SLC39A9: variants seen among roughly 807,000 people sequenced by gnomAD.
The protein encoded by SLC39A9 is solute carrier family 39 member 9, also known as zinc transporter ZIP9.
In SLC39A9, 14 loss-of-function variants were observed where a neutral mutation model predicts 28.4. That is an observed-to-expected ratio of 0.49 (90% CI 0.33 to 0.77). SLC39A9 has a LOEUF of 0.77. Ranked by LOEUF, SLC39A9 falls within the 30% of genes least tolerant of loss-of-function variation. The pLI, the probability that SLC39A9 is intolerant of heterozygous loss-of-function variation, is 0.02. For synonymous variants in SLC39A9, 119 were observed against 149.6 expected (o/e 0.80, Z 1.49); for missense variants, 283 against 381.1 (o/e 0.74, Z 2.14).
intron 3 of SLC39A9, among the ~76,000 whole-genome samples, chr14:69,447,331 C>T (rs1388768238): frequency 6.6e-6 from 1 of 152,120 alleles, no homozygotes; most frequent in Non-Finnish European, 1.5e-5. Flanking sequence ...CAAGCAAATT[C>T]TGGAAGGGAG....
At chr14:69,414,053 T>C (rs529515057) in intron 1 of SLC39A9, among the ~76,000 whole-genome samples, 1 of 148,132 alleles carries the variant, frequency 6.8e-6, no homozygotes, top group Admixed American at 6.7e-5. Flanking sequence ...TCATATTCTT[T>C]TTTTTTTTTT....
Position 69,445,287 on chromosome 14 carries a change from G to T in SLC39A9, c.403+3021G>T, listed in dbSNP as rs182470792. Among the ~76,000 whole-genome samples the T allele has an allele frequency of 2.3e-3, 344 of 152,006 alleles. 2 individuals carry two copies. The highest frequency in any genetic ancestry group is 8.0e-3 in the African/African-American group (332 of 41,442). ...ACCTCTGCCACCCCTGAGACAGCAA[G>T]ACCAACCCCTCCTCTTCCTCCTCAT... is the stretch of plus-strand genomic sequence containing the variant. On this transcript the variant is annotated intron_variant, in intron 3 of 6. Coordinates refer to ENST00000336643, the MANE Select transcript of SLC39A9 (RefSeq NM_018375.5).
intron 3 of SLC39A9, among the ~76,000 whole-genome samples, chr14:69,446,446 CAGAA>C (rs1312126316): frequency 6.6e-6 from 1 of 151,330 alleles, no homozygotes; most frequent in Non-Finnish European, 1.5e-5. Context: ...CTGAAAAAAA[CAGAA>C]GGAAGGAAGA....
chr14:69,430,417 T>C (rs1029873874), intron 2 of SLC39A9, among the ~76,000 whole-genome samples: 2 of 152,014 alleles, frequency 1.3e-5, no homozygotes, highest in African/African-American at 2.4e-5. Context: ...TAACACTATT[T>C]TTTGAAAAAA....
chr14:69,414,698 A>G (rs1323967831), intron 1 of SLC39A9, among the ~76,000 whole-genome samples: 1 of 152,204 alleles, frequency 6.6e-6, no homozygotes, highest in Non-Finnish European at 1.5e-5. Flanking sequence ...AATTTTAGCA[A>G]ATGTTTACAA....
At chr14:69,454,378 T>G (rs1245073953) in intron 4 of SLC39A9, among the ~76,000 whole-genome samples, 6 of 152,240 alleles carry the variant, frequency 3.9e-5, no homozygotes, top group Non-Finnish European at 4.4e-5. Flanking sequence ...TAAGCAATCC[T>G]CCTGCCTCAG....
At chr14:69,422,656 C>T (rs890480823) in intron 1 of SLC39A9, among the ~76,000 whole-genome samples, 5 of 152,132 alleles carry the variant, frequency 3.3e-5, no homozygotes, top group African/African-American at 1.2e-4. Context: ...GCAATCTCTG[C>T]TTACTGCAAC....
At chr14:69,410,470 C>T (rs1332943683) in intron 1 of SLC39A9, among the ~76,000 whole-genome samples, 1 of 152,108 alleles carries the variant, frequency 6.6e-6, no homozygotes, top group African/African-American at 2.4e-5. Flanking sequence ...TAGCAGTAGC[C>T]CCTTCTTACA....
intron 2 of SLC39A9, among the ~76,000 whole-genome samples, chr14:69,435,888 G>A (rs561933180): frequency 6.6e-6 from 1 of 152,136 alleles, no homozygotes; most frequent in Non-Finnish European, 1.5e-5. Flanking sequence ...GCCCAGGCTG[G>A]TCTGGAACTC....
chr14:69,435,710 T>C (rs1393041847), intron 2 of SLC39A9, among the ~76,000 whole-genome samples: 2 of 152,150 alleles, frequency 1.3e-5, no homozygotes, highest in Non-Finnish European at 2.9e-5. Context: ...TCTTGCTCTT[T>C]TGCCCAGGCT....
chr14:69,431,753 A>G (rs1360291224), intron 2 of SLC39A9, among the ~76,000 whole-genome samples: 1 of 151,912 alleles, frequency 6.6e-6, no homozygotes, highest in Non-Finnish European at 1.5e-5. Context: ...TATTATTGCC[A>G]TCTTTATGTC....
At chr14:69,420,812 G>A (rs376974987) in intron 1 of SLC39A9, among the ~76,000 whole-genome samples, 1 of 152,148 alleles carries the variant, frequency 6.6e-6, no homozygotes, top group East Asian at 1.9e-4. Flanking sequence ...CATGTGTCAC[G>A]TAGTTCTCAT....
intron 2 of SLC39A9, chr14:69,428,866 G>C (rs1425415260): frequency 6.6e-6 from 1 of 152,210 alleles, no homozygotes. Flanking sequence ...CATAACATCT[G>C]CGTATTATGA....
At chr14:69,408,338 A>G (rs1016188407) in intron 1 of SLC39A9, among the ~76,000 whole-genome samples, 7 of 152,154 alleles carry the variant, frequency 4.6e-5, no homozygotes, top group Admixed American at 2.6e-4. Context: ...TCTTTATGTT[A>G]AACTTTCTCT....
At chr14:69,428,606 A>G (rs529134155) in intron 2 of SLC39A9, 1 of 152,756 alleles carries the variant, frequency 6.5e-6, no homozygotes, top group African/African-American at 2.4e-5. Flanking sequence ...CAAGAGCAGA[A>G]CTTTGAATGG....
intron 4 of SLC39A9, among the ~76,000 whole-genome samples, chr14:69,453,678 G>C (rs1169371183): frequency 6.6e-6 from 1 of 152,158 alleles, no homozygotes; most frequent in Non-Finnish European, 1.5e-5. Flanking sequence ...GGAACCTATT[G>C]CTGATTTAGG....
intron 3 of SLC39A9, among the ~76,000 whole-genome samples, chr14:69,450,280 A>G (rs928043386): frequency 6.6e-6 from 1 of 152,122 alleles, no homozygotes; most frequent in Admixed American, 6.6e-5. Flanking sequence ...ATACCATTCT[A>G]CTTTCTCAGA....
intron 1 of SLC39A9, among the ~76,000 whole-genome samples, chr14:69,410,838 T>C (rs1282871565): frequency 6.6e-6 from 1 of 152,110 alleles, no homozygotes; most frequent in Non-Finnish European, 1.5e-5. Flanking sequence ...TTTTTTTTTT[T>C]TAGGAAGCTG....
At chr14:69,402,205 C>A (rs1036710349) in intron 1 of SLC39A9, among the ~76,000 whole-genome samples, 59 of 150,838 alleles carry the variant, frequency 3.9e-4, no homozygotes, top group Non-Finnish European at 1.5e-4. Flanking sequence ...AATACACTAA[C>A]ACTAAGATAG....
Sources: gnomAD v4.1 joint callset for allele counts (sites outside exome capture counted in the v4.1 genomes callset) on GRCh38, gnomAD v4.1.1 for gene constraint, MANE v1.5 for transcripts, NCBI Gene and HGNC (gene_info 2026-07-23, HGNC 2026-07-21) for gene names.